Variants in CSGALNACT1 observed in about 807,000 individuals in gnomAD.
The protein encoded by CSGALNACT1 is chondroitin sulfate N-acetylgalactosaminyltransferase 1, also known as beta4GalNAcT-1.
In CSGALNACT1, 52 loss-of-function variants were observed where a neutral mutation model predicts 51.0. The ratio of observed to expected loss-of-function variants is 1.02; its 90% CI spans 0.82 to 1.29. CSGALNACT1 has a LOEUF of 1.29. CSGALNACT1 is among the 50% of genes most tolerant of loss of function. The pLI is 0.00. For synonymous variants in CSGALNACT1, 341 were observed against 254.4 expected (o/e 1.34, Z -3.24); for missense variants, 935 against 679.2 (o/e 1.38, Z -4.19).
At chr8:19,756,740 C>G (rs374263995) in intron 1 of CSGALNACT1, among the ~76,000 whole-genome samples, 18 of 152,228 alleles carry the variant, frequency 1.2e-4, no homozygotes, top group African/African-American at 4.1e-4. Context: ...GCCCCCTCCA[C>G]CCTCTCCATC....
chr8:19,663,119 C>T (rs1403846092), intron 1 of CSGALNACT1, among the ~76,000 whole-genome samples: 1 of 152,192 alleles, frequency 6.6e-6, no homozygotes, highest in Non-Finnish European at 1.5e-5. Context: ...CCCCAGATCC[C>T]TTTGTGGCAT....
chr8:19,512,661 G>C (rs1178640426), intron 3 of CSGALNACT1, among the ~76,000 whole-genome samples: 1 of 152,148 alleles, frequency 6.6e-6, no homozygotes, highest in Admixed American at 6.5e-5. Context: ...ATAAGGCTCA[G>C]AGAAGTTATG....
At chr8:19,636,425 C>T (rs1270799839) in intron 1 of CSGALNACT1, among the ~76,000 whole-genome samples, 3 of 152,220 alleles carry the variant, frequency 2.0e-5, no homozygotes, top group East Asian at 3.9e-4. Flanking sequence ...TAAGAGGAAA[C>T]GACTGTGTAA....
intron 3 of CSGALNACT1, among the ~76,000 whole-genome samples, chr8:19,577,888 T>C (rs1564123986): frequency 6.6e-6 from 1 of 152,178 alleles, no homozygotes; most frequent in Non-Finnish European, 1.5e-5. Flanking sequence ...AGCCAAACTA[T>C]TGGCATCACA....
intron 3 of CSGALNACT1, among the ~76,000 whole-genome samples, chr8:19,552,552 G>A (rs1199259125): frequency 1.3e-5 from 2 of 152,016 alleles, no homozygotes; most frequent in Non-Finnish European, 2.9e-5. Context: ...TTTAAAGCAA[G>A]CTCAGCTCAG....
chr8:19,539,311 G>A lies in CSGALNACT1; in HGVS notation c.-296-33181C>T, dbSNP rs138366155. 3.4e-3 allele frequency among the ~76,000 whole-genome samples: 510 copies of A among 152,200 alleles called. 3 individuals carry two copies. Among genetic ancestry groups the A allele is most frequent in the Non-Finnish European group, 5.2e-3 (356 of 68,008 alleles). Reference sequence around the variant, plus strand: ...GCTCATTCTACATAACTACAAGTGTGTACCTTTTGACCTTCATAGAAAGAA... The same window carrying A: ...GCTCATTCTACATAACTACAAGTGTATACCTTTTGACCTTCATAGAAAGAA... On this transcript the variant is annotated intron_variant, in intron 3 of 9. Coordinates refer to ENST00000454498, the Ensembl canonical transcript of CSGALNACT1.
At chr8:19,669,232 C>T (rs1459033301) in intron 1 of CSGALNACT1, among the ~76,000 whole-genome samples, 3 of 152,162 alleles carry the variant, frequency 2.0e-5, no homozygotes, top group African/African-American at 7.2e-5. Flanking sequence ...ACTAGTCTAA[C>T]CCAGCAGACA....
At chr8:19,481,069 T>A (rs751157218) in intron 4 of CSGALNACT1, among the ~76,000 whole-genome samples, 14 of 152,190 alleles carry the variant, frequency 9.2e-5, no homozygotes, top group Non-Finnish European at 1.6e-4. Flanking sequence ...ACAGTGTAAG[T>A]CTTTTTCCAA....
rs1038175342 is a variant in CSGALNACT1 at position 19,634,343 on chromosome 8, C to T, written c.-543-32478G>A. On this transcript the variant is annotated intron_variant, in intron 1 of 9. Transcript: ENST00000332246. ...ACATGAGATCATGTGGTGGGATGTTCGTGATGGGATTAGCGCCCTTACAAG... is the reference window on the plus strand; with the variant it reads ...ACATGAGATCATGTGGTGGGATGTTTGTGATGGGATTAGCGCCCTTACAAG... Among the ~76,000 whole-genome samples, 8 of 152,148 alleles carry T rather than the reference C, an allele frequency of 5.3e-5. No individual in the cohort carries two copies. In the South Asian group the frequency reaches 6.2e-4, roughly 12 times the overall value.
chr8:19,640,097 A>G (rs966288424), intron 1 of CSGALNACT1, among the ~76,000 whole-genome samples: 3 of 151,930 alleles, frequency 2.0e-5, no homozygotes, highest in Non-Finnish European at 2.9e-5. Context: ...TCAATGTTCA[A>G]TGCACCTGGG....
chr8:19,547,746 A>G lies in CSGALNACT1; in HGVS notation c.-296-41616T>C, dbSNP rs10107181. 6.0e-3 allele frequency among the ~76,000 whole-genome samples: 919 copies of G among 152,350 alleles called. 10 individuals are homozygous for G. Among genetic ancestry groups the G allele is most frequent in the African/African-American group, 0.021 (869 of 41,570 alleles). On this transcript the variant is annotated intron_variant, in intron 3 of 9. Coordinates refer to ENST00000454498, the Ensembl canonical transcript of CSGALNACT1. ...CTAGAAACTTTCACTTATATCAAGT[A>G]TAATAGTTAAAAACTTGGAAAAAGG...
chr8:19,656,770 G>C, intron 1 of CSGALNACT1, among the ~76,000 whole-genome samples: 1 of 152,138 alleles, frequency 6.6e-6, no homozygotes, highest in East Asian at 1.9e-4. Context: ...AGAACTTTTA[G>C]AAATCAAACC....
chr8:19,658,455 C>G (rs757721483), intron 1 of CSGALNACT1, among the ~76,000 whole-genome samples: 1 of 152,204 alleles, frequency 6.6e-6, no homozygotes, highest in African/African-American at 2.4e-5. Flanking sequence ...AACAAGAGGC[C>G]GGGCATGGTG....
At position 19,581,840 on chromosome 8, in the gene CSGALNACT1, C is replaced by T. The variant is rs141224872; in HGVS notation, c.-297+9320G>A. Among the ~76,000 whole-genome samples, 140 of 152,234 alleles carry T rather than the reference C, an allele frequency of 9.2e-4. 2 individuals are homozygous for T. Among genetic ancestry groups the T allele is most frequent in the African/African-American group, 3.1e-3 (128 of 41,544 alleles). ...TTACATTAGTCTCTTAACATGTAGACGGAAAGCTGCTGTTGTAGGTATTTT... is the reference window on the plus strand; with the variant it reads ...TTACATTAGTCTCTTAACATGTAGATGGAAAGCTGCTGTTGTAGGTATTTT... On this transcript the variant is annotated intron_variant, in intron 3 of 9. Transcript: ENST00000454498.
rs188927751 is a variant in CSGALNACT1, at chr8:19,599,418, A to G, written c.-416+2353T>C. On this transcript the variant is annotated intron_variant, in intron 2 of 9. Coordinates refer to ENST00000454498, the Ensembl canonical transcript of CSGALNACT1. ...AGGCCAAGGAAAAAGGAAAGAAAGG[A>G]AGGAAGGAAGGAAAGGAAGAAAGAA... 4.4e-3 allele frequency among the ~76,000 whole-genome samples: 666 copies of G among 149,904 alleles called. 5 individuals carry two copies. Among genetic ancestry groups the G allele is most frequent in the African/African-American group, 0.015 (621 of 40,312 alleles).
chr8:19,611,195 A>C (rs1185723678), intron 1 of CSGALNACT1, among the ~76,000 whole-genome samples: 1 of 152,258 alleles, frequency 6.6e-6, no homozygotes, highest in Non-Finnish European at 1.5e-5. Context: ...GGCAGATTTC[A>C]GGATCAGGGG....
At chr8:19,497,022 T>A (rs2075610392) in intron 4 of CSGALNACT1, among the ~76,000 whole-genome samples, 1 of 151,860 alleles carries the variant, frequency 6.6e-6, no homozygotes, top group Non-Finnish European at 1.5e-5. Flanking sequence ...ACCTTATTGG[T>A]GGGGAAAGAT....
chr8:19,521,128 G>T (rs772116620), intron 3 of CSGALNACT1, among the ~76,000 whole-genome samples: 2 of 152,070 alleles, frequency 1.3e-5, no homozygotes, highest in Non-Finnish European at 2.9e-5. Context: ...AAACTGATAG[G>T]ATGAAATTTC....
chr8:19,479,829 GAAAAAAA>G (rs1212623661), intron 4 of CSGALNACT1, among the ~76,000 whole-genome samples: 1 of 6,762 alleles, frequency 1.5e-4, no homozygotes, highest in Non-Finnish European at 3.8e-4. Context: ...AAAGAACTTA[GAAAAAAA>G]AAAAAAAAAA....
Sources: gnomAD v4.1 joint callset for allele counts (sites outside exome capture counted in the v4.1 genomes callset) on GRCh38, gnomAD v4.1.1 for gene constraint, MANE v1.5 for transcripts, NCBI Gene and HGNC (gene_info 2026-07-23, HGNC 2026-07-21) for gene names.